Variants in ANKS1A observed in about 807,000 individuals in gnomAD.
ANKS1A encodes ankyrin repeat and SAM domain-containing protein 1A.
A neutral mutation model predicts 120.3 loss-of-function variants in ANKS1A; 55 were observed. The observed-to-expected ratio is 0.46, with a 90% CI of 0.37 to 0.57. The LOEUF is 0.57. ANKS1A is among the 20% of genes least tolerant of loss of function. The pLI is 0.00. For missense variants in ANKS1A, 1,123 were observed against 1,480.3 expected (o/e 0.76, Z 3.96); for synonymous variants, 590 against 604.7 (o/e 0.98, Z 0.36).
intron 13 of ANKS1A, among the ~76,000 whole-genome samples, chr6:35,077,131 C>T (rs1044818385): frequency 2.0e-5 from 3 of 152,176 alleles, no homozygotes; most frequent in African/African-American, 7.2e-5. Flanking sequence ...TGTGGGGGAT[C>T]TAGCACTGGC....
At chr6:34,984,936 G>C (rs944739385) in intron 7 of ANKS1A, 146 bp from the exon 8 acceptor site, 2 of 677,544 alleles carry the variant, frequency 3.0e-6, no homozygotes, top group Admixed American at 6.0e-5. Flanking sequence ...ACGTATTCTT[G>C]TCCATGGAAC....
Position 35,088,897 on chromosome 6 carries a change from C to G in ANKS1A, c.*288C>G, listed in dbSNP as rs1465246336. 15 of 1,401,572 alleles carry G rather than the reference C, an allele frequency of 1.1e-5. No homozygotes were observed. The highest frequency in any genetic ancestry group is 2.9e-5 in the Admixed American group (1 of 34,048). The allele number at this position is 1,401,572 out of a possible 1,614,324, so 86.8% of individuals were successfully genotyped here. A position where few individuals can be genotyped will look rare whatever the true frequency, so the allele number is the denominator to read the frequency against. On this transcript the variant is annotated 3_prime_UTR_variant, in exon 24 of 24. Transcript: ENST00000360359. ...ACATTGTTTTTAACAGAAAAAAAATCTTTTTATAAAATGAACTTTTAACAC... is the reference window on the plus strand; with the variant it reads ...ACATTGTTTTTAACAGAAAAAAAATGTTTTTATAAAATGAACTTTTAACAC...
chr6:34,974,645 G>A (rs968030637), intron 3 of ANKS1A, among the ~76,000 whole-genome samples: 5 of 152,028 alleles, frequency 3.3e-5, no homozygotes, highest in African/African-American at 7.3e-5. Context: ...TCTGGGGTGC[G>A]ACTTATTAGT....
At chr6:34,905,398 G>A (rs909319981) in intron 1 of ANKS1A, among the ~76,000 whole-genome samples, 1 of 152,234 alleles carries the variant, frequency 6.6e-6, no homozygotes, top group African/African-American at 2.4e-5. Flanking sequence ...TTTGAAGTCA[G>A]TAACTGAGTA....
At chr6:34,973,069 C>A (rs541626828) in intron 3 of ANKS1A, among the ~76,000 whole-genome samples, 51 of 152,264 alleles carry the variant, frequency 3.3e-4, no homozygotes, top group African/African-American at 1.2e-3. Flanking sequence ...TACTTTCTAT[C>A]TGTCTTTTGA....
At chr6:35,070,890 C>G (rs1056868467) in intron 13 of ANKS1A, 1 of 643,054 alleles carries the variant, frequency 1.6e-6, no homozygotes, top group African/African-American at 1.8e-5. Flanking sequence ...TTGAAGGACT[C>G]TTCGATGACA....
intron 1 of ANKS1A, among the ~76,000 whole-genome samples, chr6:34,893,155 A>G (rs1451260717): frequency 6.6e-6 from 1 of 152,172 alleles, no homozygotes; most frequent in Non-Finnish European, 1.5e-5. Flanking sequence ...TATCTGCCTT[A>G]TAGGTATCAT....
At position 34,978,088 on chromosome 6, in the gene ANKS1A, A is replaced by G. The variant is rs568723167; in HGVS notation, c.436-3602A>G. On this transcript the variant is annotated intron_variant, in intron 3 of 23. Coordinates refer to ENST00000360359, the MANE Select transcript of ANKS1A (RefSeq NM_015245.3). ...ATTCTCCTGCCTCAGCATCCTGAGT[A>G]GGTGGGATTACAGGCAAGCACCACC... Among the ~76,000 whole-genome samples the G allele has an allele frequency of 1.2e-4, 18 of 152,154 alleles. 1 individual carries two copies. In the South Asian group the frequency reaches 3.5e-3, roughly 30 times the overall value.
At chr6:35,087,224 C>T (rs1021180322) in intron 23 of ANKS1A, among the ~76,000 whole-genome samples, 175 bp downstream of exon 23, 2 of 151,462 alleles carry the variant, frequency 1.3e-5, no homozygotes, top group African/African-American at 4.8e-5. Context: ...AGACGCTGTA[C>T]ACTTGCAGCT....
In ANKS1A at chr6:35,084,264, T is replaced by G; in HGVS notation, c.3132+6T>G. The G allele has an allele frequency of 6.2e-7, 1 of 1,613,642 alleles. No homozygotes were observed. The highest frequency in any genetic ancestry group is 1.1e-5 in the South Asian group (1 of 91,054). ...TGTTCAGCACCGTGGATGTGGTGGG[T>G]GGGGTCCTGGGGCCGGGTGGGGCAG... On this transcript the variant is annotated splice_donor_region_variant and intron_variant, in intron 21 of 23. Transcript: ENST00000360359. The surrounding 1 kb of genome is among the most constrained non-coding windows in gnomAD (Gnocchi z 4.8).
chr6:35,083,359 C>T lies in ANKS1A; in HGVS notation c.2908-58C>T. 5.6e-6 allele frequency: 9 copies of T among 1,599,130 alleles called. No homozygotes were observed. The East Asian group carries it at 2.0e-4, about 36-fold the overall frequency. ...GGAAGGAAGCTGGGACCTGTGGAAG[C>T]CCAGGAGGCTTAGCCCTGAGAAGGG... On this transcript the variant is annotated intron_variant, in intron 19 of 23. Transcript: ENST00000360359.
chr6:34,895,780 C>CTTTTTTTTTTTT (rs995285475), intron 1 of ANKS1A, among the ~76,000 whole-genome samples: 12 of 90,386 alleles, frequency 1.3e-4, no homozygotes, highest in African/African-American at 1.8e-4. Context: ...GAATGTCTTT[C>CTTTTTTTTTTTT]TTTTTTTTTT....
chr6:35,086,078 A>G lies in ANKS1A; in HGVS notation c.3303+142A>G, dbSNP rs535712685. The G allele has an allele frequency of 7.6e-7, 1 of 1,309,954 alleles. No homozygotes were observed. The highest frequency in any genetic ancestry group is 1.0e-6 in the Non-Finnish European group (1 of 982,588). The allele number at this position is 1,309,954 out of a possible 1,614,324, so 81.1% of individuals were successfully genotyped here. ...AAATGACCCTCTTAATTGTCCCCCAACCCTGCCAGGTCTCGCCCCTGGAAA... is the reference window on the plus strand; with the variant it reads ...AAATGACCCTCTTAATTGTCCCCCAGCCCTGCCAGGTCTCGCCCCTGGAAA... On this transcript the variant is annotated intron_variant, in intron 22 of 23. Transcript: ENST00000360359. This position sits in a 1 kb window ranked among gnomAD's most constrained non-coding sequence, Gnocchi z 5.1.
rs147251469 is a variant in ANKS1A at position 35,017,790 on chromosome 6, C to A, written c.1741C>A (p.Pro581Thr). Residue 581 changes from proline (P) to threonine (T), a missense_variant, in exon 11 of 24, where the codon CCT (proline) becomes ACT (threonine). Transcript: ENST00000360359. ...GLPTTNSRSHPETLTHTASPH... is the reference protein window; with the variant it reads ...GLPTTNSRSHTETLTHTASPH... ...GCCCACCACCAACAGCCGCTCGCACCCTGAAACTTTGACTCACACAGCATC... is the reference window on the plus strand; with the variant it reads ...GCCCACCACCAACAGCCGCTCGCACACTGAAACTTTGACTCACACAGCATC... 6.2e-7 allele frequency: 1 copy of A among 1,614,088 alleles called. No individual in the cohort carries two copies. Among genetic ancestry groups the A allele is most frequent in the African/African-American group, 1.3e-5 (1 of 74,932 alleles).
At chr6:35,034,858 A>G (rs771561525) in intron 11 of ANKS1A, among the ~76,000 whole-genome samples, 7 of 152,212 alleles carry the variant, frequency 4.6e-5, no homozygotes, top group Non-Finnish European at 1.0e-4. Context: ...CAGAAGGACA[A>G]ATGGGCTAAG....
chr6:35,001,866 T>G (rs1773188190), intron 10 of ANKS1A, among the ~76,000 whole-genome samples: 1 of 152,048 alleles, frequency 6.6e-6, no homozygotes, highest in African/African-American at 2.4e-5. Context: ...TAACCCAGAC[T>G]GTAAGGCCCT....
chr6:35,009,794 T>C (rs554731179), intron 10 of ANKS1A: 19 of 170,770 alleles, frequency 1.1e-4, no homozygotes, highest in African/African-American at 3.7e-4. Context: ...TCCCAGTTAC[T>C]TGGGAGGCTG....
At chr6:35,000,114 CT>C (rs1290601001) in intron 10 of ANKS1A, among the ~76,000 whole-genome samples, 1 of 152,148 alleles carries the variant, frequency 6.6e-6, no homozygotes, top group Admixed American at 6.5e-5. Flanking sequence ...TCTAATACCA[CT>C]TTGTTGTCAG....
chr6:34,900,195 CAG>C (rs1485357655), intron 1 of ANKS1A, among the ~76,000 whole-genome samples: 4 of 152,172 alleles, frequency 2.6e-5, no homozygotes. Flanking sequence ...CAGGGCCACA[CAG>C]GGGAGTGCAG....
Sources: allele counts gnomAD v4.1 joint callset (sites outside exome capture counted in the v4.1 genomes callset), GRCh38; gene constraint gnomAD v4.1.1; non-coding constraint Gnocchi (gnomAD v3.1); transcripts MANE v1.5; gene names NCBI Gene and HGNC (gene_info 2026-07-23, HGNC 2026-07-21).